USP4: variants seen among roughly 807,000 people sequenced by gnomAD.
USP4 encodes ubiquitin specific peptidase 4, also known as ubiquitin carboxyl-terminal hydrolase 4.
A neutral mutation model predicts 118.2 loss-of-function variants in USP4; 72 were observed. The ratio of observed to expected loss-of-function variants is 0.61; its 90% confidence interval spans 0.50 to 0.74. USP4 has a LOEUF of 0.74. Among genes scored for constraint, USP4 ranks in the 30% least tolerant of loss-of-function variants. USP4 has a pLI of 0.00. For synonymous variants in USP4, 415 were observed against 440.4 expected, an observed-to-expected ratio of 0.94 and a Z score of 0.72; for missense variants, 1,037 against 1,185.7, an observed-to-expected ratio of 0.87 and a Z score of 1.84.
At chr3:49,299,064 A>C (rs1292745118) in intron 11 of USP4, among the ~76,000 whole-genome samples, 1 of 151,288 alleles carries the variant, frequency 6.6e-6, no homozygotes, top group Non-Finnish European at 1.5e-5. Context: ...TTGGCCACCA[A>C]GCCCGGCCTC....
intron 7 of USP4, among the ~76,000 whole-genome samples, chr3:49,310,944 G>T (rs186589697): frequency 6.6e-6 from 1 of 152,244 alleles, no homozygotes. Context: ...CTTAAGGAAA[G>T]AAACACTACT....
chr3:49,311,687 C>G (rs767318818), intron 6 of USP4, 33 bp from the exon 7 acceptor site: 4 of 1,610,988 alleles, frequency 2.5e-6, no homozygotes, highest in Non-Finnish European at 3.4e-6. Context: ...ATGCTACTGA[C>G]TTTTTGCAAA....
Position 49,309,464 on chromosome 3 carries a change from C to T in USP4, c.954+1156G>A, listed in dbSNP as rs567665282. Among the ~76,000 whole-genome samples the T allele has an allele frequency of 2.5e-4, 38 of 152,180 alleles. 1 individual carries two copies. In the East Asian group the frequency reaches 5.0e-3, roughly 20 times the overall value. ...TTTGAGACAGGGTCTCGCTATGATG[C>T]TCAGGCTGGCTTCAAACTCCTGGCC... is the stretch of plus-strand genomic sequence containing the variant. On this transcript the variant is annotated intron_variant, in intron 8 of 21. Transcript: ENST00000265560.
chr3:49,278,809 C>G lies in USP4; in HGVS notation c.2733+5G>C, dbSNP rs1575597653. On this transcript the variant is annotated splice_donor_5th_base_variant and intron_variant, in intron 21 of 21. Transcript: ENST00000265560. ...AGGAAGAACCACATATCATGGCCTACTCACCACTATCTGATCCTCAGAGGC... is the reference window on the plus strand; with the variant it reads ...AGGAAGAACCACATATCATGGCCTAGTCACCACTATCTGATCCTCAGAGGC... 6.3e-7 allele frequency: 1 copy of G among 1,596,842 alleles called. No homozygotes were observed. Among genetic ancestry groups the G allele is most frequent in the African/African-American group, 1.3e-5 (1 of 74,472 alleles).
In USP4 at chr3:49,294,522, T is replaced by G. The variant is rs747254069; in HGVS notation, c.1768A>C (p.Arg590=). 6 of 1,614,062 alleles carry G rather than the reference T, an allele frequency of 3.7e-6. No individual in the cohort carries two copies. Among genetic ancestry groups the G allele is most frequent in the Middle Eastern group, 1.6e-4 (1 of 6,084 alleles). Residue 590 remains arginine, a synonymous_variant, in exon 14 of 22, where the codon AGG becomes CGG. Transcript: ENST00000265560. The stretch of plus-strand genomic sequence containing the variant: ...GATGCGGAGGAAGTGCTTGATGGCC[T>G]GGACTTCCTCTCCCTGAAGTAGACT... The part of the protein sequence containing the change: ...LPVYFRERKS[R]PSSTSSASAL...
rs1190837139 is a variant in USP4 at position 49,277,157 on chromosome 3, C to A, written c.*1136G>T. The A allele has an allele frequency of 4.2e-6, 6 of 1,418,058 alleles. No homozygotes were observed. Among genetic ancestry groups the A allele is most frequent in the Non-Finnish European group, 5.6e-6 (6 of 1,071,408 alleles). 87.8% of individuals were successfully genotyped at this position (1,418,058 alleles called of 1,614,324 possible). A position where few individuals can be genotyped will look rare whatever the true frequency, so the allele number is the denominator to read the frequency against. ...GGCCCTACCGGCACCCCCCCTTTGG[C>A]GAGTCGGCAGCCACGTCCTTGTCCT... On this transcript the variant is annotated 3_prime_UTR_variant, in exon 22 of 22. Transcript: ENST00000265560.
chr3:49,336,165 C>CTT (rs34604530), intron 1 of USP4, among the ~76,000 whole-genome samples: 11,953 of 82,790 alleles, frequency 0.14, 1,261 homozygotes, highest in Non-Finnish European at 0.17. Flanking sequence ...CACCTGGCCT[C>CTT]TTTTTTTTTT....
chr3:49,328,193 A>C (rs1242909211), intron 2 of USP4, among the ~76,000 whole-genome samples: 1 of 152,034 alleles, frequency 6.6e-6, no homozygotes, highest in Non-Finnish European at 1.5e-5. Flanking sequence ...CCCCGTCTCT[A>C]CTAAAAATAT....
At chr3:49,287,163 T>C (rs1238912990) in intron 15 of USP4, among the ~76,000 whole-genome samples, 1 of 150,040 alleles carries the variant, frequency 6.7e-6, no homozygotes, top group Non-Finnish European at 1.5e-5. Context: ...TATTTATTTA[T>C]TTATTTTTTG....
intron 6 of USP4, among the ~76,000 whole-genome samples, chr3:49,322,997 C>T (rs1043160040): frequency 6.7e-6 from 1 of 150,128 alleles, no homozygotes; most frequent in African/African-American, 2.4e-5. Context: ...GATGGAGTTT[C>T]GCTCTTGTTC....
intron 8 of USP4, among the ~76,000 whole-genome samples, chr3:49,306,202 T>G (rs2047315091): frequency 6.7e-6 from 1 of 149,226 alleles, no homozygotes. Flanking sequence ...AAAAAAGTGT[T>G]TTTTTTTGTT....
At chr3:49,292,863 C>G (rs2047165028) in intron 14 of USP4, among the ~76,000 whole-genome samples, 1 of 151,886 alleles carries the variant, frequency 6.6e-6, no homozygotes, top group African/African-American at 2.4e-5. Flanking sequence ...AACCCCATCT[C>G]TAGTAAAACT....
chr3:49,300,825 C>T (rs1318067831), intron 10 of USP4, 134 bp from the exon 11 acceptor site: 14 of 760,618 alleles, frequency 1.8e-5, no homozygotes, highest in Admixed American at 7.3e-5. Flanking sequence ...CCAGGACAAA[C>T]AAGGCCAGGA....
chr3:49,297,880 C>T lies in USP4; in HGVS notation c.1681G>A (p.Asp561Asn). The T allele has an allele frequency of 6.2e-7, 1 of 1,614,004 alleles. No homozygotes were observed. Among genetic ancestry groups the T allele is most frequent in the Non-Finnish European group, 8.5e-7 (1 of 1,179,864 alleles). The change falls in exon 13 of 22, where the codon GAC (aspartate) becomes AAC (asparagine). Residue 561 changes from aspartate (D) to asparagine (N), a missense_variant. Physicochemically the swap from Asp to Asn is conservative, Grantham distance 23. Coordinates refer to ENST00000265560, the MANE Select transcript of USP4 (RefSeq NM_003363.4). ...CTGCTGAGTACTCACACGAAAATGTCATCCCGAGGCATGATGTGGTTTAAA... is the reference window on the plus strand; with the variant it reads ...CTGCTGAGTACTCACACGAAAATGTTATCCCGAGGCATGATGTGGTTTAAA... ...EGLNHIMPRD[D>N]IFVYEVCSTS...
intron 6 of USP4, among the ~76,000 whole-genome samples, chr3:49,317,679 C>T (rs1575615638): frequency 6.7e-6 from 1 of 150,056 alleles, no homozygotes; most frequent in Admixed American, 6.6e-5. Context: ...GTAGCTGGGA[C>T]TACAGGCGCC....
At chr3:49,332,089 G>A (rs906814935) in intron 2 of USP4, among the ~76,000 whole-genome samples, 8 of 151,538 alleles carry the variant, frequency 5.3e-5, no homozygotes, top group African/African-American at 9.7e-5. Context: ...GCTGGCCAAC[G>A]TGCTGAAATC....
At chr3:49,295,025 C>T (rs753886372) in intron 13 of USP4, among the ~76,000 whole-genome samples, 14 of 152,278 alleles carry the variant, frequency 9.2e-5, no homozygotes, top group East Asian at 1.9e-4. Context: ...CGCGGTGGCT[C>T]ACGCCTGTAA....
intron 2 of USP4, among the ~76,000 whole-genome samples, chr3:49,331,856 G>C (rs2047620849): frequency 6.6e-6 from 1 of 151,558 alleles, no homozygotes; most frequent in Admixed American, 6.6e-5. Context: ...AATCTGGCCG[G>C]ACAGAGTGGC....
chr3:49,317,481 AT>A (rs745708443), intron 6 of USP4: 4,867 of 416,086 alleles, frequency 0.012, no homozygotes, highest in South Asian at 0.019. Context: ...GGGGCCCCCT[AT>A]TTTTTTTTTT....
Sources: gnomAD v4.1 joint callset for allele counts (sites outside exome capture counted in the v4.1 genomes callset) on GRCh38, gnomAD v4.1.1 for gene constraint, MANE v1.5 for transcripts, NCBI Gene and HGNC (gene_info 2026-07-23, HGNC 2026-07-21) for gene names.